ODAD4: variants seen among roughly 807,000 people sequenced by gnomAD.
The protein encoded by ODAD4 is outer dynein arm-docking complex subunit 4.
In ODAD4, 49 loss-of-function variants were observed where a neutral mutation model predicts 51.8. The ratio of observed to expected loss-of-function variants is 0.95; its 90% confidence interval spans 0.75 to 1.20. ODAD4 has a LOEUF of 1.20. Ranked by LOEUF, ODAD4 falls within the 50% of genes most tolerant of loss-of-function variation. The probability of loss-of-function intolerance (pLI) is 0.00; values close to 1 mark genes in which losing one functional copy is unlikely to be tolerated. For synonymous variants in ODAD4, 235 were observed against 221.3 expected, an observed-to-expected ratio of 1.06 and a Z score of -0.55; for missense variants, 590 against 586.5, an observed-to-expected ratio of 1.01 and a Z score of -0.06.
At chr17:41,956,485 CTTT>C (rs33985289) in intron 10 of ODAD4, among the ~76,000 whole-genome samples, 2 of 110,928 alleles carry the variant, frequency 1.8e-5, no homozygotes, top group Middle Eastern at 6.2e-3. Flanking sequence ...CATGCCCGGC[CTTT>C]TTTTTTTTTT....
intron 1 of ODAD4, among the ~76,000 whole-genome samples, chr17:41,934,007 T>C (rs2050388155): frequency 6.6e-6 from 1 of 150,962 alleles, no homozygotes; most frequent in Admixed American, 6.6e-5. Context: ...TTTTCATTTT[T>C]CTTTTCCCTT....
At chr17:41,937,597 A>G (rs998682219) in intron 5 of ODAD4, among the ~76,000 whole-genome samples, 133 of 152,276 alleles carry the variant, frequency 8.7e-4, no homozygotes, top group East Asian at 7.7e-4. Flanking sequence ...CAGCCTCCCT[A>G]GTAGCTAGGA....
At chr17:41,942,753 A>G (rs2050523603) in intron 7 of ODAD4, among the ~76,000 whole-genome samples, 1 of 152,210 alleles carries the variant, frequency 6.6e-6, no homozygotes, top group African/African-American at 2.4e-5. Flanking sequence ...TAGGTGTGGC[A>G]GGGCTAGGGA....
rs782774162 is a variant in ODAD4, at chr17:41,945,194, G to A, written c.1117G>A (p.Val373Ile). ...CAACATTGGCAGAGTTTTTGCCAGA[G>A]TTGGGAAATTCCAGCAAGCCATTGA... ...LDNIGRVFAR[V>I]GKFQQAIDTW... Residue 373 changes from valine to isoleucine, a missense_variant, in exon 8 of 12, where the codon GTT (valine) becomes ATT (isoleucine). Physicochemically the swap from Val to Ile is conservative, Grantham distance 29. This residue lies in a region of ODAD4 where 226 missense variants were observed against 162.7 expected (regional missense o/e 1.39). Coordinates refer to ENST00000377540, the MANE Select transcript of ODAD4 (RefSeq NM_031421.5). 12 of 1,613,182 alleles carry A rather than the reference G, an allele frequency of 7.4e-6. No homozygotes were observed. The highest frequency in any genetic ancestry group is 1.0e-5 in the Non-Finnish European group (12 of 1,179,718).
At chr17:41,956,773 G>A (rs1299694332) in intron 10 of ODAD4, among the ~76,000 whole-genome samples, 1 of 151,978 alleles carries the variant, frequency 6.6e-6, no homozygotes, top group Non-Finnish European at 1.5e-5. Context: ...AGTAGAGACG[G>A]AGTCTCAGTA....
rs2050880707 is a variant in ODAD4 at position 41,965,976 on chromosome 17, G to A, written c.*493G>A. 6.6e-6 allele frequency among the ~76,000 whole-genome samples: 1 copy of A among 152,218 alleles called. No individual in the cohort carries two copies. On this transcript the variant is annotated 3_prime_UTR_variant, in exon 12 of 12. Transcript: ENST00000377540. Reference sequence around the variant, plus strand: ...ATGCTGGGAGTGAGGCCAAAGATAGGGGAGTGGCCTGGGAGTCGGGAGGGC... The same window carrying A: ...ATGCTGGGAGTGAGGCCAAAGATAGAGGAGTGGCCTGGGAGTCGGGAGGGC...
In ODAD4 at chr17:41,949,369, C is replaced by A; in HGVS notation, c.1342+20C>A. ...CACAAGGTATGGGCTCAGAGATGACCACCCTACCTTTTCCAGCCTTCAGGC... is the reference window on the plus strand; with the variant it reads ...CACAAGGTATGGGCTCAGAGATGACAACCCTACCTTTTCCAGCCTTCAGGC... On this transcript the variant is annotated intron_variant, in intron 9 of 11. Transcript: ENST00000377540. 1 of 398,540 alleles carries A rather than the reference C, an allele frequency of 2.5e-6. No homozygotes were observed. The highest frequency in any genetic ancestry group is 1.3e-4 in the South Asian group (1 of 7,820). The allele number at this position is 398,540 out of a possible 1,614,324, so 24.7% of individuals were successfully genotyped here.
At chr17:41,942,003 T>C (rs1412835224) in intron 7 of ODAD4, among the ~76,000 whole-genome samples, 1 of 151,964 alleles carries the variant, frequency 6.6e-6, no homozygotes, top group Non-Finnish European at 1.5e-5. Flanking sequence ...TGCAATGGAG[T>C]GATCTCGGCT....
chr17:41,930,968 G>T (rs1043927863), intron 1 of ODAD4, 131 bp downstream of exon 1: 1 of 560,540 alleles, frequency 1.8e-6, no homozygotes. Context: ...ATCTCGGCTC[G>T]CCGCAACCTC....
chr17:41,938,881 A>AGATG, intron 6 of ODAD4, 84 bp from the exon 7 acceptor site: 4 of 1,573,678 alleles, frequency 2.5e-6, no homozygotes, highest in Non-Finnish European at 3.5e-6. Context: ...TCAGACCTGC[A>AGATG]GATGGTGTCT....
rs782072106 is a variant in ODAD4 at position 41,935,231 on chromosome 17, G to A, written c.129G>A (p.Gln43=). Residue 43 remains glutamine, a synonymous_variant, in exon 2 of 12, where the codon CAG becomes CAA. Coordinates refer to ENST00000377540, the MANE Select transcript of ODAD4 (RefSeq NM_031421.5). ...AQSFSNALYL[Q]DGDKNCLVAR... ...TTCTTTGTCAGGCTCTTTACCTTCA[G>A]GATGGAGACAAGAACTGCCTGGTTG... 4 of 1,613,800 alleles carry A rather than the reference G, an allele frequency of 2.5e-6. No homozygotes were observed. The East Asian group carries it at 8.9e-5, about 36-fold the overall frequency.
intron 1 of ODAD4, among the ~76,000 whole-genome samples, chr17:41,934,038 CTTTTTTTT>C (rs782039270): frequency 9.2e-5 from 6 of 65,514 alleles, no homozygotes; most frequent in African/African-American, 3.4e-4. Context: ...TTCTTTCTTT[CTTTTTTTT>C]TTTTTTTTTT....
At chr17:41,951,190 T>G (rs1170258893) in intron 9 of ODAD4, among the ~76,000 whole-genome samples, 6 of 151,448 alleles carry the variant, frequency 4.0e-5, no homozygotes, top group Non-Finnish European at 8.8e-5. Flanking sequence ...GTTCAAGCTA[T>G]TCTCCTGCCT....
intron 11 of ODAD4, among the ~76,000 whole-genome samples, chr17:41,962,517 C>T (rs2050819454): frequency 6.6e-6 from 1 of 152,156 alleles, no homozygotes; most frequent in African/African-American, 2.4e-5. Context: ...CAGTAGCCGA[C>T]CCCCATTCAT....
At chr17:41,946,996 G>A (rs1555639704) in intron 8 of ODAD4, among the ~76,000 whole-genome samples, 3 of 151,716 alleles carry the variant, frequency 2.0e-5, no homozygotes, top group African/African-American at 2.4e-5. Flanking sequence ...GACTACAGGC[G>A]CCCGCCACCA....
intron 7 of ODAD4, among the ~76,000 whole-genome samples, chr17:41,940,764 A>G (rs949184803): frequency 1.6e-4 from 24 of 152,188 alleles, no homozygotes; most frequent in African/African-American, 4.8e-5. Context: ...ACCATCTCCC[A>G]TGCACAAATG....
chr17:41,934,533 G>A (rs995130318), intron 1 of ODAD4, among the ~76,000 whole-genome samples: 13 of 150,264 alleles, frequency 8.7e-5, no homozygotes, highest in South Asian at 2.1e-4. Context: ...TTTGTATTTC[G>A]TAGAGACAGG....
Position 41,938,779 on chromosome 17 carries a change from T to G in ODAD4, c.848T>G (p.Met283Arg). The change falls in exon 6 of 12, where the codon ATG becomes AGG. Residue 283 changes from methionine to arginine, a missense_variant and splice_region_variant. Transcript: ENST00000377540. The stretch of plus-strand genomic sequence containing the variant: ...CTCAAGAGCCTGGAGGACATTGATA[T>G]GTGTAGGTGTTGTTCTCAGAGGGTG... Reference protein sequence around the residue: ...YILKSLEDIDMLLTSGSAEGS... With the variant: ...YILKSLEDIDRLLTSGSAEGS... 2 of 1,612,542 alleles carry G rather than the reference T, an allele frequency of 1.2e-6. No individual in the cohort carries two copies. Among genetic ancestry groups the G allele is most frequent in the East Asian group, 4.5e-5 (2 of 44,866 alleles).
At chr17:41,941,008 C>A (rs2050497078) in intron 7 of ODAD4, among the ~76,000 whole-genome samples, 1 of 152,166 alleles carries the variant, frequency 6.6e-6, no homozygotes, top group African/African-American at 2.4e-5. Context: ...TCCCAGATAC[C>A]TCCTTCCCCT....
Sources: gnomAD v4.1 joint callset for allele counts (sites outside exome capture counted in the v4.1 genomes callset) on GRCh38, gnomAD v4.1.1 for gene constraint, gnomAD v4.1.1 regional missense constraint, MANE v1.5 for transcripts, NCBI Gene and HGNC (gene_info 2026-07-23, HGNC 2026-07-21) for gene names.